The following POLH variants were observed in gnomAD, a reference collection of about 807,000 sequenced individuals.
POLH encodes DNA polymerase eta.
In POLH, 53 loss-of-function variants were observed where a neutral mutation model predicts 73.6. The observed-to-expected ratio is 0.72, with a 90% confidence interval of 0.58 to 0.91. POLH has a LOEUF of 0.91. Ranked by LOEUF, POLH falls within the 40% of genes least tolerant of loss-of-function variation. POLH has a pLI of 0.00. For missense variants in POLH, 768 were observed against 865.4 expected (o/e 0.89, Z 1.41); for synonymous variants, 292 against 308.5 (o/e 0.95, Z 0.56).
At chr6:43,581,543 G>A (rs1402159433) in intron 1 of POLH, among the ~76,000 whole-genome samples, 1 of 150,448 alleles carries the variant, frequency 6.6e-6, no homozygotes, top group Non-Finnish European at 1.5e-5. Context: ...CAAGGCAGGC[G>A]GCTGCTCCTT....
intron 4 of POLH, among the ~76,000 whole-genome samples, chr6:43,591,956 G>A (rs142873299): frequency 1.8e-3 from 272 of 152,242 alleles, no homozygotes; most frequent in African/African-American, 4.2e-3. Flanking sequence ...TCAGATGGAC[G>A]TGTTCCTCTT....
intron 1 of POLH, among the ~76,000 whole-genome samples, chr6:43,581,824 G>A (rs1302212829): frequency 6.6e-6 from 1 of 151,130 alleles, no homozygotes; most frequent in African/African-American, 2.4e-5. Flanking sequence ...GGCCACCATG[G>A]CCGGACGGGC....
chr6:43,582,935 G>T (rs765674547), intron 2 of POLH, 72 bp from the exon 3 acceptor site: 1 of 1,269,196 alleles, frequency 7.9e-7, no homozygotes, highest in Non-Finnish European at 1.1e-6. Context: ...TAGATTACTT[G>T]TGTTAAATGT....
At chr6:43,604,538 T>C in intron 7 of POLH, 77 bp from the exon 8 acceptor site, 1 of 1,478,030 alleles carries the variant, frequency 6.8e-7, no homozygotes, top group Non-Finnish European at 9.4e-7. Flanking sequence ...AAGGGCAATA[T>C]AATATAGTTA....
intron 8 of POLH, 115 bp downstream of exon 8, chr6:43,604,853 A>C: frequency 9.3e-7 from 1 of 1,075,630 alleles, no homozygotes; most frequent in Non-Finnish European, 1.4e-6. Context: ...TATGAAGAAA[A>C]CAGATGTTCT....
At position 43,618,029 on chromosome 6, in the gene POLH, A is replaced by G. The variant is rs146828890; in HGVS notation, c.*3472A>G. Among the ~76,000 whole-genome samples the G allele has an allele frequency of 5.6e-4, 85 of 152,352 alleles. No homozygotes were observed. The East Asian group carries it at 0.016, about 28-fold the overall frequency. ...TTCTTAAGCCCTTAAGTACAAATTT[A>G]AGAGGTAAGTGCTTCAGCCATTAGG... On this transcript the variant is annotated 3_prime_UTR_variant, in exon 11 of 11. Coordinates refer to ENST00000372236, the MANE Select transcript of POLH (RefSeq NM_006502.3).
At chr6:43,585,007 A>C (rs566930977) in intron 3 of POLH, among the ~76,000 whole-genome samples, 2 of 152,152 alleles carry the variant, frequency 1.3e-5, no homozygotes, top group South Asian at 4.2e-4. Flanking sequence ...AAAACAAAAA[A>C]ATTTAGCTAG....
intron 8 of POLH, among the ~76,000 whole-genome samples, chr6:43,604,949 T>C (rs1044657751): frequency 1.3e-5 from 2 of 152,232 alleles, no homozygotes; most frequent in African/African-American, 4.8e-5. Context: ...CTCATTTGTT[T>C]AGTAGATGGA....
chr6:43,604,736 C>CAGGT lies in POLH; in HGVS notation c.1008_1008+3dup. The CAGGT allele has an allele frequency of 6.2e-7, 1 of 1,614,036 alleles. No homozygotes were observed. The highest frequency in any genetic ancestry group is 1.3e-5 in the African/African-American group (1 of 75,016). On this transcript the variant is annotated frameshift_variant and splice_region_variant, in exon 8 of 11. Coordinates refer to ENST00000372236, the MANE Select transcript of POLH (RefSeq NM_006502.3). LOFTEE classifies it high-confidence loss of function. ...AAAAACAGCTCTTGCTACTCGGGAA[C>CAGGT]AGGTAAGCTGGCATTCTTGACAGAA...
At chr6:43,582,249 A>T in intron 1 of POLH, 67 bp from the exon 2 acceptor site, 2 of 1,435,636 alleles carry the variant, frequency 1.4e-6, no homozygotes, top group Non-Finnish European at 2.0e-6. Flanking sequence ...AAAGAATGGA[A>T]TTACAGTTTT....
chr6:43,596,752 G>A (rs2127793194), intron 4 of POLH, among the ~76,000 whole-genome samples: 1 of 151,584 alleles, frequency 6.6e-6, no homozygotes, highest in South Asian at 2.1e-4. Context: ...TCTTCTGTAG[G>A]GAGTCAGGAA....
chr6:43,601,844 A>G lies in POLH; in HGVS notation c.764+753A>G, dbSNP rs529647223. Among the ~76,000 whole-genome samples the G allele has an allele frequency of 1.6e-3, 241 of 152,134 alleles. 6 individuals are homozygous for G. The highest frequency in any genetic ancestry group is 5.4e-3 in the African/African-American group (224 of 41,552). ...GAGGCGAGGCAGGTGGATCACCTGAAGTCAGGAGTTCGAGACCAGCCTGGC... is the reference window on the plus strand; with the variant it reads ...GAGGCGAGGCAGGTGGATCACCTGAGGTCAGGAGTTCGAGACCAGCCTGGC... On this transcript the variant is annotated intron_variant, in intron 6 of 10. Transcript: ENST00000372236.
intron 3 of POLH, 107 bp downstream of exon 3, chr6:43,583,248 A>G: frequency 9.5e-7 from 1 of 1,055,128 alleles, no homozygotes; most frequent in Admixed American, 2.1e-5. Flanking sequence ...ACACCGGAAA[A>G]AATTCTTTTT....
chr6:43,618,904 T>C lies in POLH; in HGVS notation c.*4347T>C, dbSNP rs1001754445. ...CCCTGGCCTCCCAAAGTGCTGGGAT[T>C]ACAGGCCTGAGCCACCAGGCCAGCC... On this transcript the variant is annotated 3_prime_UTR_variant, in exon 11 of 11. Coordinates refer to ENST00000372236, the MANE Select transcript of POLH (RefSeq NM_006502.3). 6.6e-6 allele frequency among the ~76,000 whole-genome samples: 1 copy of C among 150,466 alleles called. No individual in the cohort carries two copies. Among genetic ancestry groups the C allele is most frequent in the African/African-American group, 2.4e-5 (1 of 40,888 alleles).
intron 4 of POLH, among the ~76,000 whole-genome samples, chr6:43,593,210 A>G (rs1765655347): frequency 6.6e-6 from 1 of 152,204 alleles, no homozygotes; most frequent in African/African-American, 2.4e-5. Context: ...TATAAAATTC[A>G]ATGGAAAGAT....
Position 43,604,692 on chromosome 6 carries a change from G to A in POLH, c.962G>A (p.Cys321Tyr), listed in dbSNP as rs745368951. 1.9e-6 allele frequency: 3 copies of A among 1,614,120 alleles called. No homozygotes were observed. The highest frequency in any genetic ancestry group is 2.2e-5 in the South Asian group (2 of 91,080). Residue 321 changes from cysteine to tyrosine, a missense_variant, in exon 8 of 11, where the codon TGT becomes TAT. Coordinates refer to ENST00000372236, the MANE Select transcript of POLH (RefSeq NM_006502.3). ...KPRQLPKTIGCSKNFPGKTAL... is the reference protein window; with the variant it reads ...KPRQLPKTIGYSKNFPGKTAL... The stretch of plus-strand genomic sequence containing the variant: ...AGGCAACTACCCAAAACCATTGGCT[G>A]TAGTAAGAACTTCCCAGGAAAAACA...
chr6:43,597,167 G>A (rs1411025069), intron 4 of POLH, among the ~76,000 whole-genome samples: 2 of 152,080 alleles, frequency 1.3e-5, no homozygotes, highest in African/African-American at 2.4e-5. Context: ...CCAGGCTGGA[G>A]TGCAGTGGCG....
chr6:43,613,384 G>C (rs1375448309), intron 10 of POLH, among the ~76,000 whole-genome samples: 1 of 152,122 alleles, frequency 6.6e-6, no homozygotes, highest in Non-Finnish European at 1.5e-5. Context: ...GGAGGTGAGT[G>C]GTTGCTAAAT....
At chr6:43,580,065 A>G (rs1463686216) in intron 1 of POLH, among the ~76,000 whole-genome samples, 1 of 148,824 alleles carries the variant, frequency 6.7e-6, no homozygotes, top group Non-Finnish European at 1.5e-5. Context: ...GGCCTTCCGC[A>G]GTGTTTGTGT....
Sources: allele counts gnomAD v4.1 joint callset (sites outside exome capture counted in the v4.1 genomes callset), GRCh38; gene constraint gnomAD v4.1.1; transcripts MANE v1.5; gene names NCBI Gene and HGNC (gene_info 2026-07-23, HGNC 2026-07-21).